Variants in LRP1 observed in about 807,000 individuals in gnomAD.
LRP1 encodes the protein LDL receptor related protein 1, also known as prolow-density lipoprotein receptor-related protein 1.
LRP1 carries 51 observed loss-of-function variants against 541.5 expected under a neutral mutation model. That is an observed-to-expected ratio of 0.09 (90% CI 0.08 to 0.12). The LOEUF (loss-of-function observed/expected upper bound fraction) is 0.12, where lower values mean the gene tolerates loss of function less well. LRP1 is among the 10% of genes least tolerant of loss of function. LRP1 has a pLI of 1.00. For synonymous variants in LRP1, 2,219 were observed against 2,470.8 expected (o/e 0.90, Z 3.02); for missense variants, 3,878 against 6,376.2 (o/e 0.61, Z 13.34).
intron 62 of LRP1, 76 bp downstream of exon 62, chr12:57,200,101 C>A: frequency 7.6e-7 from 1 of 1,309,916 alleles, no homozygotes; most frequent in South Asian, 1.4e-5. Flanking sequence ...CCAACACCTG[C>A]TCTGTCCTAA....
chr12:57,156,886 C>A lies in LRP1; in HGVS notation c.1527C>A (p.Gly509=). The A allele has an allele frequency of 6.3e-7, 1 of 1,593,846 alleles. No homozygotes were observed. The highest frequency in any genetic ancestry group is 1.1e-5 in the South Asian group (1 of 90,546). ...HKARTCRCRS[G]FSLGSDGKSC... Reference sequence around the variant, plus strand: ...CGCGGACCTGCCGCTGCCGTTCCGGCTTCAGCCTGGGCAGTGACGGGAAGT... The same window carrying A: ...CGCGGACCTGCCGCTGCCGTTCCGGATTCAGCCTGGGCAGTGACGGGAAGT... Residue 509 remains glycine, a synonymous_variant, in exon 10 of 89, where the codon GGC becomes GGA. Coordinates refer to ENST00000243077, the MANE Select transcript of LRP1 (RefSeq NM_002332.3). This position sits in a 1 kb window ranked among gnomAD's most constrained non-coding sequence, Gnocchi z 5.2.
At position 57,178,396 on chromosome 12, in the gene LRP1, G is replaced by A; in HGVS notation, c.4399G>A (p.Gly1467Ser). ...AIYSARYDGS[G>S]HMEVLRGHEF... Reference sequence around the variant, plus strand: ...TTACTCAGCCCGTTACGACGGCTCTGGCCACATGGAGGTGCTTCGGGGACA... The same window carrying A: ...TTACTCAGCCCGTTACGACGGCTCTAGCCACATGGAGGTGCTTCGGGGACA... Residue 1467 changes from glycine to serine, a missense_variant, in exon 27 of 89, where the codon GGC becomes AGC. By Grantham distance (56) the Gly-to-Ser change is moderately conservative (BLOSUM62 0). Transcript: ENST00000243077. This position sits in a 1 kb window ranked among gnomAD's most constrained non-coding sequence, Gnocchi z 5.8. 6 of 1,614,224 alleles carry A rather than the reference G, an allele frequency of 3.7e-6. No individual in the cohort carries two copies. The highest frequency in any genetic ancestry group is 5.1e-6 in the Non-Finnish European group (6 of 1,180,018).
At position 57,156,686 on chromosome 12, in the gene LRP1, C is replaced by T; in HGVS notation, c.1418-91C>T. ...GGGATAGCAAGCACAAAGACCACAG[C>T]AGCAGGGGGTGTGGTCAGATTCAGG... On this transcript the variant is annotated intron_variant, in intron 9 of 88. Transcript: ENST00000243077. This position sits in a 1 kb window ranked among gnomAD's most constrained non-coding sequence, Gnocchi z 5.2. 1 of 1,398,218 alleles carries T rather than the reference C, an allele frequency of 7.2e-7. No individual in the cohort carries two copies. Among genetic ancestry groups the T allele is most frequent in the Non-Finnish European group, 9.7e-7 (1 of 1,032,856 alleles). 86.6% of individuals were successfully genotyped at this position (1,398,218 alleles called of 1,614,324 possible).
chr12:57,141,333 A>T (rs1043681779), intron 2 of LRP1, 41 bp from the exon 3 acceptor site: 6 of 1,612,934 alleles, frequency 3.7e-6, no homozygotes, highest in Admixed American at 3.3e-5. Context: ...GAGAGCCACC[A>T]TAGCCAGCTT....
rs2036927169 is a variant in LRP1 at position 57,211,932 on chromosome 12, G to C, written c.13264G>C (p.Ala4422Pro). The change falls in exon 87 of 89, where the codon GCC becomes CCC. Residue 4422 changes from alanine (A) to proline (P), a missense_variant. Transcript: ENST00000243077. The surrounding 1 kb of genome is among the most constrained non-coding windows in gnomAD (Gnocchi z 4.3). ...VFSQQQPGHI[A>P]SILIPLLLLL... ...GTCCCACCTCTTCCCTCCAGATATAGCCTCCATCCTAATCCCTCTGCTGTT... is the reference window on the plus strand; with the variant it reads ...GTCCCACCTCTTCCCTCCAGATATACCCTCCATCCTAATCCCTCTGCTGTT... 1 of 1,614,016 alleles carries C rather than the reference G, an allele frequency of 6.2e-7. No individual in the cohort carries two copies. The highest frequency in any genetic ancestry group is 1.7e-5 in the Admixed American group (1 of 60,006).
chr12:57,200,262 T>C, intron 62 of LRP1, 180 bp from the exon 63 acceptor site: 1 of 647,806 alleles, frequency 1.5e-6, no homozygotes, highest in Non-Finnish European at 2.8e-6. Context: ...CAGTGCTGCC[T>C]TCCCCACCCT....
rs541755936 is a variant in LRP1 at position 57,144,759 on chromosome 12, T to A, written c.449-213T>A. 2.4e-5 allele frequency: 14 copies of A among 582,366 alleles called. No individual in the cohort carries two copies. The African/African-American group carries it at 2.6e-4, about 11-fold the overall frequency. 36.1% of individuals were successfully genotyped at this position (582,366 alleles called of 1,614,324 possible). Reference sequence around the variant, plus strand: ...ACTCAATAAATCTTCCCTGCGTGGATGAGTGATATGTACACGAGTGTTTCT... The same window carrying A: ...ACTCAATAAATCTTCCCTGCGTGGAAGAGTGATATGTACACGAGTGTTTCT... On this transcript the variant is annotated intron_variant, in intron 4 of 88. Coordinates refer to ENST00000243077, the MANE Select transcript of LRP1 (RefSeq NM_002332.3).
rs143212504 is a variant in LRP1 at position 57,193,648 on chromosome 12, C to T, written c.7767C>T (p.Asp2589=). The change falls in exon 47 of 89, where the codon GAC becomes GAT. Residue 2589 remains aspartate, a synonymous_variant. Coordinates refer to ENST00000243077, the MANE Select transcript of LRP1 (RefSeq NM_002332.3). The stretch of plus-strand genomic sequence containing the variant: ...ACATGCTGTGGTGCAACGGGGCCGA[C>T]GACTGTGGGGATGGCTCTGACGAGA... The part of the protein sequence containing the change: ...VSNMLWCNGA[D]DCGDGSDEIP... The T allele has an allele frequency of 1.4e-4, 222 of 1,614,172 alleles. No individual in the cohort carries two copies. In the African/African-American group the frequency reaches 1.9e-3, roughly 14 times the overall value.
rs759727961 is a variant in LRP1 at position 57,185,873 on chromosome 12, A to G, written c.6806A>G (p.Asn2269Ser). ...DIHFGNIQQI[N>S]DDGSRRITIV... ...CACTTTGGGAACATCCAACAGATCA[A>G]CGACGATGGCTCCAGGAGGATCACC... Residue 2269 changes from asparagine (N) to serine (S), a missense_variant, in exon 41 of 89, where the codon AAC becomes AGC. Around this residue, in one of 13 missense-constraint regions of LRP1, gnomAD observed 1,100 missense variants for 1,827.4 expected, o/e 0.60. Coordinates refer to ENST00000243077, the MANE Select transcript of LRP1 (RefSeq NM_002332.3). The surrounding 1 kb of genome is among the most constrained non-coding windows in gnomAD (Gnocchi z 4.9). The G allele has an allele frequency of 5.0e-6, 8 of 1,613,950 alleles. No individual in the cohort carries two copies. The highest frequency in any genetic ancestry group is 2.5e-6 in the Non-Finnish European group (3 of 1,180,008).
chr12:57,166,380 C>T (rs974787208), intron 17 of LRP1, 171 bp downstream of exon 17: 7 of 818,202 alleles, frequency 8.6e-6, no homozygotes, highest in Non-Finnish European at 1.3e-5. Flanking sequence ...CATAGTGAGA[C>T]CTCCCACTCT....
chr12:57,181,477 A>G (rs1304905995), intron 34 of LRP1, among the ~76,000 whole-genome samples, 186 bp downstream of exon 34: 1 of 152,212 alleles, frequency 6.6e-6, no homozygotes, highest in Non-Finnish European at 1.5e-5. Context: ...AATAGATGTC[A>G]GCAGGCAGAT....
chr12:57,207,862 GC>G (rs1194426352), intron 76 of LRP1, among the ~76,000 whole-genome samples, 175 bp from the exon 77 acceptor site: 1 of 152,256 alleles, frequency 6.6e-6, no homozygotes, highest in East Asian at 1.9e-4. Flanking sequence ...GGGCTCACCA[GC>G]CACGTGTGAG....
At position 57,201,485 on chromosome 12, in the gene LRP1, C is replaced by A; in HGVS notation, c.10346-12C>A. On this transcript the variant is annotated splice_polypyrimidine_tract_variant and intron_variant, in intron 65 of 88. Coordinates refer to ENST00000243077, the MANE Select transcript of LRP1 (RefSeq NM_002332.3). This position sits in a 1 kb window ranked among gnomAD's most constrained non-coding sequence, Gnocchi z 6.4. ...GTAAGGGAGGGCCCTCATTCTCTTG[C>A]CCACCCCACAGCCGAGGTGACCTGC... 6.2e-7 allele frequency: 1 copy of A among 1,602,430 alleles called. No homozygotes were observed. Among genetic ancestry groups the A allele is most frequent in the South Asian group, 1.1e-5 (1 of 89,700 alleles).
At chr12:57,150,033 A>G in intron 6 of LRP1, 1 of 442,946 alleles carries the variant, frequency 2.3e-6, no homozygotes, top group South Asian at 2.9e-5. Flanking sequence ...CTCAGTCTTC[A>G]ATAAATATTT....
chr12:57,181,857 G>T (rs750828217), intron 34 of LRP1, among the ~76,000 whole-genome samples: 1 of 152,206 alleles, frequency 6.6e-6, no homozygotes, highest in Non-Finnish European at 1.5e-5. Flanking sequence ...AAACCCAGAC[G>T]CATTTCACAA....
In LRP1 at chr12:57,175,519, G is replaced by A; in HGVS notation, c.3607G>A (p.Gly1203Ser). Residue 1203 changes from glycine (G) to serine (S), a missense_variant, in exon 23 of 89, where the codon GGC becomes AGC. By Grantham distance (56) the Gly-to-Ser change is moderately conservative. Transcript: ENST00000243077. ...CAACTGCTCAGTGGCACCTGGCGAA[G>A]GCATTGTGTGTTCCTGCCCTCTGGG... ...SHNCSVAPGE[G>S]IVCSCPLGME... The A allele has an allele frequency of 6.2e-7, 1 of 1,614,116 alleles. No homozygotes were observed. The highest frequency in any genetic ancestry group is 8.5e-7 in the Non-Finnish European group (1 of 1,180,024).
Position 57,154,558 on chromosome 12 carries a change from G to T in LRP1, c.1084G>T (p.Val362Phe). 6.2e-7 allele frequency: 1 copy of T among 1,614,172 alleles called. No homozygotes were observed. The highest frequency in any genetic ancestry group is 8.5e-7 in the Non-Finnish European group (1 of 1,180,006). ...GGATGGGCAGAACCGCACCAAGCTC[G>T]TCGACAGCAAGATTGTGTTTCCTCA... ...DMDGQNRTKL[V>F]DSKIVFPHGI... The change falls in exon 8 of 89, where the codon GTC (valine) becomes TTC (phenylalanine). Residue 362 changes from valine to phenylalanine, a missense_variant. By Grantham distance (50) the Val-to-Phe change is conservative. Coordinates refer to ENST00000243077, the MANE Select transcript of LRP1 (RefSeq NM_002332.3). The surrounding 1 kb of genome is among the most constrained non-coding windows in gnomAD (Gnocchi z 4.6).
intron 1 of LRP1, among the ~76,000 whole-genome samples, chr12:57,135,488 A>C (rs886196821): frequency 6.6e-6 from 1 of 152,126 alleles, no homozygotes; most frequent in African/African-American, 2.4e-5. Flanking sequence ...ACTGTCCCAA[A>C]GTAGTTTATT....
In LRP1 at chr12:57,173,925, G is replaced by A. The variant is rs760846757; in HGVS notation, c.3492G>A (p.Lys1164=). The A allele has an allele frequency of 1.9e-6, 3 of 1,614,238 alleles. No individual in the cohort carries two copies. In the South Asian group the frequency reaches 3.3e-5, roughly 18 times the overall value. The change falls in exon 22 of 89, where the codon AAG becomes AAA. Residue 1164 remains lysine, a synonymous_variant. Transcript: ENST00000243077. This position sits in a 1 kb window ranked among gnomAD's most constrained non-coding sequence, Gnocchi z 4.7. ...CCTCAGTCTGCCTGCCCCCTGACAA[G>A]CTGTGTGATGGCAACGACGACTGTG... ...NNTSVCLPPD[K]LCDGNDDCGD...
Sources: gnomAD v4.1 joint callset for allele counts (sites outside exome capture counted in the v4.1 genomes callset) on GRCh38, gnomAD v4.1.1 for gene constraint, gnomAD v4.1.1 regional missense constraint, Gnocchi (gnomAD v3.1) non-coding constraint, MANE v1.5 for transcripts, NCBI Gene and HGNC (gene_info 2026-07-23, HGNC 2026-07-21) for gene names.